Variants in C20orf203 observed in about 807,000 individuals in gnomAD.
C20orf203 encodes uncharacterized protein C20orf203.
In C20orf203, 16 loss-of-function variants were observed where a neutral mutation model predicts 15.9. The observed-to-expected ratio is 1.01, with a 90% confidence interval of 0.68 to 1.53. The LOEUF is 1.53. Among genes scored for constraint, C20orf203 ranks in the 40% most tolerant of loss-of-function variants. The pLI is 0.00. For synonymous variants in C20orf203, 98 were observed against 97.2 expected (o/e 1.01, Z -0.05); for missense variants, 263 against 247.5 (o/e 1.06, Z -0.42).
At chr20:32,659,644 C>T (rs755691603) in intron 1 of C20orf203, among the ~76,000 whole-genome samples, 5 of 152,198 alleles carry the variant, frequency 3.3e-5, no homozygotes, top group Admixed American at 6.5e-5. Context: ...TGAATTCTGC[C>T]AGGATCCCAG....
At chr20:32,653,810 T>A (rs11167173) in intron 1 of C20orf203, among the ~76,000 whole-genome samples, 43,704 of 152,034 alleles carry the variant, frequency 0.29, 6,813 homozygotes, top group Middle Eastern at 0.37. Flanking sequence ...TAGAAAATCT[T>A]GGTTGGGAGC....
chr20:32,673,435 C>T (rs543301129), intron 1 of C20orf203, among the ~76,000 whole-genome samples, 197 bp downstream of exon 1: 2 of 152,292 alleles, frequency 1.3e-5, no homozygotes, highest in African/African-American at 2.4e-5. Flanking sequence ...TCCCCACATT[C>T]GGGGAGCCTC....
chr20:32,673,491 C>T (rs1983224361), intron 1 of C20orf203, 141 bp downstream of exon 1: 1 of 152,310 alleles, frequency 6.6e-6, no homozygotes, highest in East Asian at 1.9e-4. Flanking sequence ...CTCCAAGGGA[C>T]ACATGAGGCA....
chr20:32,663,434 G>C (rs1982943677), intron 1 of C20orf203, among the ~76,000 whole-genome samples: 1 of 151,976 alleles, frequency 6.6e-6, no homozygotes, highest in African/African-American at 2.4e-5. Flanking sequence ...TGTAATGTTG[G>C]GGGAAAGCCA....
At chr20:32,658,893 T>A (rs1477781886) in intron 1 of C20orf203, among the ~76,000 whole-genome samples, 1 of 150,722 alleles carries the variant, frequency 6.6e-6, no homozygotes, top group African/African-American at 2.4e-5. Context: ...TTTTTTTTTT[T>A]AAACAGAGTT....
intron 1 of C20orf203, among the ~76,000 whole-genome samples, chr20:32,666,235 G>C (rs1983021707): frequency 6.6e-6 from 1 of 151,738 alleles, no homozygotes; most frequent in Non-Finnish European, 1.5e-5. Flanking sequence ...GGGAGGCCGA[G>C]GCAGGAGGAT....
At chr20:32,643,100 G>A (rs1376392250) in intron 4 of C20orf203, among the ~76,000 whole-genome samples, 1 of 152,118 alleles carries the variant, frequency 6.6e-6, no homozygotes, top group Admixed American at 6.5e-5. Context: ...GGTGCACCTC[G>A]GCCCAGTGCT....
At position 32,651,989 on chromosome 20, in the gene C20orf203, G is replaced by A. The variant is rs1337488385; in HGVS notation, c.-263-8C>T. 6.6e-6 allele frequency: 1 copy of A among 152,146 alleles called. No individual in the cohort carries two copies. Among genetic ancestry groups the A allele is most frequent in the Admixed American group, 6.6e-5 (1 of 15,262 alleles). 9.4% of individuals were successfully genotyped at this position (152,146 alleles called of 1,614,324 possible). A position where few individuals can be genotyped will look rare whatever the true frequency, so the allele number is the denominator to read the frequency against. ...CTTTAAGGGGACCCCAGTCTGGAAG[G>A]AGAGAGAAAACACACATACAAATAA... On this transcript the variant is annotated splice_region_variant and splice_polypyrimidine_tract_variant and intron_variant, in intron 1 of 5. Coordinates refer to ENST00000608990, the MANE Select transcript of C20orf203 (RefSeq NM_182584.4).
intron 1 of C20orf203, among the ~76,000 whole-genome samples, chr20:32,672,442 G>A (rs866225266): frequency 5.3e-5 from 8 of 151,658 alleles, no homozygotes; most frequent in East Asian, 1.9e-4. Flanking sequence ...GTGTGGTGGC[G>A]CATGCCTGTA....
chr20:32,645,594 G>A (rs1241393224), intron 4 of C20orf203, among the ~76,000 whole-genome samples: 1 of 152,232 alleles, frequency 6.6e-6, no homozygotes, highest in Non-Finnish European at 1.5e-5. Context: ...CTCCTGCCCA[G>A]CGCAGAAGCA....
At chr20:32,654,951 G>A (rs1019456779) in intron 1 of C20orf203, among the ~76,000 whole-genome samples, 1 of 152,094 alleles carries the variant, frequency 6.6e-6, no homozygotes, top group Admixed American at 6.6e-5. Context: ...CTGGCATAAG[G>A]ACAGACATAG....
At chr20:32,646,975 G>T (rs1399573818) in intron 4 of C20orf203, among the ~76,000 whole-genome samples, 1 of 152,208 alleles carries the variant, frequency 6.6e-6, no homozygotes, top group Non-Finnish European at 1.5e-5. Flanking sequence ...AGGGCCAGGA[G>T]GGTCTCTCCA....
intron 1 of C20orf203, among the ~76,000 whole-genome samples, chr20:32,671,839 C>CA (rs1243517430): frequency 1.7e-5 from 1 of 58,152 alleles, no homozygotes; most frequent in South Asian, 6.7e-4. Flanking sequence ...AACTCTGTCT[C>CA]CAAAAAAAAA....
At chr20:32,668,390 C>T (rs1983084314) in intron 1 of C20orf203, among the ~76,000 whole-genome samples, 1 of 152,040 alleles carries the variant, frequency 6.6e-6, no homozygotes. Context: ...TTTTGGGAGG[C>T]CGAGGCGGGT....
chr20:32,663,354 T>C (rs1982942088), intron 1 of C20orf203, among the ~76,000 whole-genome samples: 1 of 152,050 alleles, frequency 6.6e-6, no homozygotes, highest in Admixed American at 6.6e-5. Flanking sequence ...CTAAATAAAT[T>C]ATTAATAGAA....
chr20:32,662,918 G>GGTAT (rs148002038), intron 1 of C20orf203, among the ~76,000 whole-genome samples: 36 of 134,000 alleles, frequency 2.7e-4, no homozygotes, highest in Middle Eastern at 4.1e-3. Flanking sequence ...GGAACAGCTA[G>GGTAT]ATATATATAT....
chr20:32,645,385 G>T (rs117085752), intron 4 of C20orf203, among the ~76,000 whole-genome samples: 1 of 152,282 alleles, frequency 6.6e-6, no homozygotes, highest in South Asian at 2.1e-4. Flanking sequence ...TCAGGCTGGG[G>T]GTGTATGGAG....
At chr20:32,667,394 G>A (rs1190933807) in intron 1 of C20orf203, among the ~76,000 whole-genome samples, 1 of 152,210 alleles carries the variant, frequency 6.6e-6, no homozygotes, top group African/African-American at 2.4e-5. Context: ...CTGCGTTGAT[G>A]ACAGCCACAG....
At chr20:32,651,354 A>AG (rs1312998755) in intron 2 of C20orf203, among the ~76,000 whole-genome samples, 188 bp from the exon 3 acceptor site, 1 of 151,678 alleles carries the variant, frequency 6.6e-6, no homozygotes, top group Non-Finnish European at 1.5e-5. Flanking sequence ...ATTCAAAAAA[A>AG]AAAAGGAAAA....
Sources: gnomAD v4.1 joint callset for allele counts (sites outside exome capture counted in the v4.1 genomes callset) on GRCh38, gnomAD v4.1.1 for gene constraint, MANE v1.5 for transcripts, NCBI Gene and HGNC (gene_info 2026-07-23, HGNC 2026-07-21) for gene names.